TYW1B: variants seen among roughly 807,000 people sequenced by gnomAD.
TYW1B encodes the protein S-adenosyl-L-methionine-dependent tRNA 4-demethylwyosine synthase TYW1B.
A neutral mutation model predicts 86.9 loss-of-function variants in TYW1B; 73 were observed. That is an observed-to-expected ratio of 0.84 (90% CI 0.70 to 1.02). TYW1B has a LOEUF of 1.02. TYW1B is among the 50% of genes least tolerant of loss of function. The probability of loss-of-function intolerance (pLI) is 0.00; values close to 1 mark genes in which losing one functional copy is unlikely to be tolerated. For missense variants in TYW1B, 637 were observed against 827.4 expected (o/e 0.77, Z 2.82); for synonymous variants, 248 against 292.8 (o/e 0.85, Z 1.56).
intron 13 of TYW1B, among the ~76,000 whole-genome samples, chr7:72,595,023 C>T (rs1483065871): frequency 5.3e-5 from 8 of 152,100 alleles, no homozygotes; most frequent in South Asian, 2.1e-4. Flanking sequence ...AAAAAACCTA[C>T]GGTGAGTATC....
intron 11 of TYW1B, among the ~76,000 whole-genome samples, chr7:72,678,168 G>A (rs1813778118): frequency 6.6e-6 from 1 of 152,106 alleles, no homozygotes; most frequent in Non-Finnish European, 1.5e-5. Context: ...ATACTGCAGG[G>A]AATAAGAAAA....
chr7:72,736,691 T>C (rs188886847), intron 8 of TYW1B, among the ~76,000 whole-genome samples: 222 of 152,346 alleles, frequency 1.5e-3, no homozygotes, highest in Admixed American at 2.9e-3. Context: ...GATTTGTCTA[T>C]TCTAGGCAAT....
intron 13 of TYW1B, among the ~76,000 whole-genome samples, chr7:72,577,643 C>T (rs1811053621): frequency 6.6e-6 from 1 of 152,224 alleles, no homozygotes; most frequent in Non-Finnish European, 1.5e-5. Context: ...CAGGCCCTTC[C>T]TCTGGGCCGC....
chr7:72,824,270 T>C (rs1314200841), intron 2 of TYW1B, among the ~76,000 whole-genome samples: 3 of 152,178 alleles, frequency 2.0e-5, no homozygotes, highest in African/African-American at 7.2e-5. Flanking sequence ...ATTTTCATGC[T>C]AGCCTTCCTT....
intron 8 of TYW1B, among the ~76,000 whole-genome samples, chr7:72,738,190 T>C (rs56909980): frequency 0.77 from 116,371 of 151,174 alleles, 45,051 homozygotes; most frequent in Middle Eastern, 0.79. Flanking sequence ...AAGCAGTTCT[T>C]CTGCCTCAGC....
chr7:72,762,797 C>G (rs1194291786), intron 7 of TYW1B, among the ~76,000 whole-genome samples: 3 of 151,614 alleles, frequency 2.0e-5, no homozygotes, highest in African/African-American at 7.3e-5. Context: ...GTAGCTGGGA[C>G]TACAGGCGCA....
rs182536986 is a variant in TYW1B, at chr7:72,708,856, T to C, written c.1370+4765A>G. The stretch of plus-strand genomic sequence containing the variant: ...TGAAGACTATCTTGTTGCACTACTC[T>C]ATAGCCCAGAGTGTTTGAAACTTGT... On this transcript the variant is annotated intron_variant, in intron 10 of 13. Transcript: ENST00000620995. 2.1e-3 allele frequency among the ~76,000 whole-genome samples: 313 copies of C among 152,336 alleles called. 2 individuals carry two copies. The highest frequency in any genetic ancestry group is 4.6e-4 in the Non-Finnish European group (31 of 68,026).
chr7:72,642,220 G>T (rs1273827756), intron 11 of TYW1B, among the ~76,000 whole-genome samples: 2 of 152,130 alleles, frequency 1.3e-5, no homozygotes, highest in Non-Finnish European at 2.9e-5. Context: ...ACTCAAAACT[G>T]CTCAAAGAGC....
At chr7:72,663,044 C>T (rs1376161596) in intron 11 of TYW1B, among the ~76,000 whole-genome samples, 4 of 152,092 alleles carry the variant, frequency 2.6e-5, no homozygotes, top group Admixed American at 6.6e-5. Context: ...ACTCTAATCT[C>T]CAAAATGGCA....
At chr7:72,603,388 T>C (rs2129568111) in intron 13 of TYW1B, among the ~76,000 whole-genome samples, 1 of 152,032 alleles carries the variant, frequency 6.6e-6, no homozygotes, top group South Asian at 2.1e-4. Flanking sequence ...GATGGATGGA[T>C]GGATGCACAG....
At chr7:72,575,990 C>T (rs1487094598) in intron 13 of TYW1B, among the ~76,000 whole-genome samples, 1 of 152,180 alleles carries the variant, frequency 6.6e-6, no homozygotes, top group African/African-American at 2.4e-5. Context: ...TCAAGCAGTC[C>T]CGCTGACACA....
At chr7:72,749,917 T>TTA (rs1554464741) in intron 7 of TYW1B, among the ~76,000 whole-genome samples, 1 of 148,840 alleles carries the variant, frequency 6.7e-6, no homozygotes, top group African/African-American at 2.5e-5. Flanking sequence ...TTTTTGTTTT[T>TTA]TTTTTTTTTT....
At chr7:72,717,528 C>T (rs1786813819) in intron 9 of TYW1B, among the ~76,000 whole-genome samples, 1 of 151,936 alleles carries the variant, frequency 6.6e-6, no homozygotes, top group Non-Finnish European at 1.5e-5. Context: ...AGAATGAATC[C>T]CCGGGTTGGC....
chr7:72,768,341 G>A (rs1227349380), intron 7 of TYW1B, among the ~76,000 whole-genome samples: 21 of 151,942 alleles, frequency 1.4e-4, no homozygotes, highest in Admixed American at 9.8e-4. Context: ...CTGACCCCCC[G>A]AAGAGCTCCT....
intron 13 of TYW1B, among the ~76,000 whole-genome samples, chr7:72,583,533 G>A (rs1471053646): frequency 3.3e-5 from 5 of 152,166 alleles, no homozygotes; most frequent in Non-Finnish European, 7.3e-5. Flanking sequence ...ACAAGGAAAT[G>A]CTGTTTTTTG....
At chr7:72,794,526 A>G (rs1375215105) in intron 6 of TYW1B, among the ~76,000 whole-genome samples, 1 of 151,916 alleles carries the variant, frequency 6.6e-6, no homozygotes, top group Non-Finnish European at 1.5e-5. Context: ...ACTGCACCCC[A>G]GCCTGGATGA....
At chr7:72,725,808 A>C (rs2129570969) in intron 9 of TYW1B, among the ~76,000 whole-genome samples, 1 of 152,292 alleles carries the variant, frequency 6.6e-6, no homozygotes, top group African/African-American at 2.4e-5. Flanking sequence ...CCAAGCCTCC[A>C]CAAATACATT....
At chr7:72,695,306 G>T (rs1375270670) in intron 10 of TYW1B, among the ~76,000 whole-genome samples, 8 of 152,182 alleles carry the variant, frequency 5.3e-5, no homozygotes, top group African/African-American at 1.9e-4. Flanking sequence ...AGGACGCTGA[G>T]TCACACCTAT....
intron 2 of TYW1B, among the ~76,000 whole-genome samples, chr7:72,826,150 G>A (rs1788925334): frequency 6.6e-6 from 1 of 152,162 alleles, no homozygotes; most frequent in Non-Finnish European, 1.5e-5. Flanking sequence ...ACACAAAGAT[G>A]TCTTTCTCTC....
Sources: allele counts gnomAD v4.1 joint callset (sites outside exome capture counted in the v4.1 genomes callset), GRCh38; gene constraint gnomAD v4.1.1; transcripts MANE v1.5; gene names NCBI Gene and HGNC (gene_info 2026-07-23, HGNC 2026-07-21).